The following CFAP299 variants were observed in gnomAD, a reference collection of about 807,000 sequenced individuals.
CFAP299 encodes the protein cilia and flagella associated protein 299, also known as cilia- and flagella-associated protein 299.
Under a neutral mutation model 27.0 loss-of-function variants are expected in CFAP299, and 21 were observed. The observed-to-expected ratio is 0.78, with a 90% CI of 0.55 to 1.12. The LOEUF is 1.12. Ranked by LOEUF, CFAP299 falls within the 50% of genes most tolerant of loss-of-function variation. The pLI, the probability that CFAP299 is intolerant of heterozygous loss-of-function variation, is 0.00. For synonymous variants in CFAP299, 104 were observed against 98.1 expected, an observed-to-expected ratio of 1.06 and a Z score of -0.36; for missense variants, 310 against 276.6, an observed-to-expected ratio of 1.12 and a Z score of -0.86.
At chr4:80,466,758 C>G (rs1329514379) in intron 2 of CFAP299, among the ~76,000 whole-genome samples, 2 of 152,198 alleles carry the variant, frequency 1.3e-5, no homozygotes, top group Non-Finnish European at 2.9e-5. Flanking sequence ...CTGCCCCTGA[C>G]TTCAAGTAAT....
intron 2 of CFAP299, among the ~76,000 whole-genome samples, chr4:80,487,810 G>GAGAT (rs1730903543): frequency 6.6e-6 from 1 of 152,266 alleles, no homozygotes; most frequent in East Asian, 1.9e-4. Context: ...TAACAGAAGG[G>GAGAT]AGATGGCCAG....
Position 80,961,587 on chromosome 4 carries a change from G to C in CFAP299, c.607-1930G>C, listed in dbSNP as rs1415855641. Among the ~76,000 whole-genome samples, 5 of 151,856 alleles carry C rather than the reference G, an allele frequency of 3.3e-5. No individual in the cohort carries two copies. In the East Asian group the frequency reaches 9.6e-4, roughly 29 times the overall value. The stretch of plus-strand genomic sequence containing the variant: ...AACCTAATTCATTACCCTCCAGAGA[G>C]AGGAAAATATTATGCACTCATCCAA... On this transcript the variant is annotated intron_variant, in intron 5 of 5. Coordinates refer to ENST00000358105, the MANE Select transcript of CFAP299 (RefSeq NM_152770.3).
rs559756722 is a variant in CFAP299, at chr4:80,682,568, A to C, written c.333+99385A>C. 6.2e-5 allele frequency among the ~76,000 whole-genome samples: 4 copies of C among 64,632 alleles called. No homozygotes were observed. In the Admixed American group the frequency reaches 8.3e-4, roughly 13 times the overall value. 42.4% of individuals were successfully genotyped at this position (64,632 alleles called of 152,430 possible). On this transcript the variant is annotated intron_variant, in intron 3 of 5. Coordinates refer to ENST00000358105, the MANE Select transcript of CFAP299 (RefSeq NM_152770.3). The stretch of plus-strand genomic sequence containing the variant: ...GCTAAGCAGTGTACATTTTACATGC[A>C]TACCACATTTTTTTTTTTTGTAACA...
chr4:80,453,670 G>A (rs532696704), intron 2 of CFAP299, among the ~76,000 whole-genome samples: 45 of 151,538 alleles, frequency 3.0e-4, no homozygotes, highest in African/African-American at 7.5e-4. Context: ...GTGAAACCCC[G>A]TCTCTACTAA....
chr4:80,327,522 G>A, the CFAP299 span, among the ~76,000 whole-genome samples: 8 of 151,740 alleles, frequency 5.3e-5, no homozygotes, highest in South Asian at 1.7e-3. Flanking sequence ...TGGCTACTGT[G>A]TGGAGTCTGG....
chr4:80,328,862 G>A, the CFAP299 span, among the ~76,000 whole-genome samples: 2 of 152,002 alleles, frequency 1.3e-5, no homozygotes, highest in Non-Finnish European at 2.9e-5. Flanking sequence ...CTAACTCATT[G>A]TTTTCCAGAA....
chr4:80,746,065 A>G (rs1314674200), intron 3 of CFAP299, among the ~76,000 whole-genome samples: 3 of 152,012 alleles, frequency 2.0e-5, no homozygotes, highest in Non-Finnish European at 2.9e-5. Context: ...AGAATTTAGG[A>G]CCTAGGGCTT....
At chr4:80,582,600 T>C (rs1041210644) in intron 2 of CFAP299, among the ~76,000 whole-genome samples, 14 of 152,054 alleles carry the variant, frequency 9.2e-5, no homozygotes, top group African/African-American at 2.9e-4. Context: ...TTCTTGATGC[T>C]TCCTTTCATC....
At chr4:80,690,052 A>C (rs914548316) in intron 3 of CFAP299, among the ~76,000 whole-genome samples, 1 of 149,108 alleles carries the variant, frequency 6.7e-6, no homozygotes, top group Admixed American at 6.6e-5. Flanking sequence ...GCAAGTCCTG[A>C]GTGACCTACA....
intron 4 of CFAP299, among the ~76,000 whole-genome samples, chr4:80,906,220 T>C (rs895432302): frequency 9.9e-5 from 15 of 152,132 alleles, no homozygotes; most frequent in Non-Finnish European, 1.5e-5. Flanking sequence ...AATTTAAAGT[T>C]CCAAAATGAT....
intron 2 of CFAP299, among the ~76,000 whole-genome samples, chr4:80,437,789 G>A (rs186476515): frequency 4.6e-5 from 7 of 152,276 alleles, no homozygotes; most frequent in African/African-American, 1.4e-4. Flanking sequence ...CTGCCAAAGC[G>A]ATTAGTAATA....
rs563329694 is a variant in CFAP299, at chr4:80,902,642, G to C, written c.476+32507G>C. On this transcript the variant is annotated intron_variant, in intron 4 of 5. Coordinates refer to ENST00000358105, the MANE Select transcript of CFAP299 (RefSeq NM_152770.3). ...ACACACACACTTTGGTGACTCCCTA[G>C]TTGGGGCTATAGTATATCATCAACC... Among the ~76,000 whole-genome samples, 108 of 141,118 alleles carry C rather than the reference G, an allele frequency of 7.7e-4. 2 individuals are homozygous for C. The South Asian group carries it at 0.024, about 32-fold the overall frequency. The allele number at this position is 141,118 out of a possible 152,430, so 92.6% of individuals were successfully genotyped here.
chr4:80,791,987 C>T (rs943600043), intron 3 of CFAP299, among the ~76,000 whole-genome samples: 14 of 151,664 alleles, frequency 9.2e-5, no homozygotes, highest in African/African-American at 3.4e-4. Context: ...CAAATGGCTA[C>T]TAAATAAAAT....
intron 4 of CFAP299, among the ~76,000 whole-genome samples, chr4:80,898,230 G>A (rs1005390829): frequency 6.6e-6 from 1 of 152,066 alleles, no homozygotes; most frequent in East Asian, 1.9e-4. Flanking sequence ...AAATGTGGGG[G>A]ATTTTATTAC....
Position 80,557,081 on chromosome 4 carries a change from T to C in CFAP299, c.243-26012T>C, listed in dbSNP as rs994964384. On this transcript the variant is annotated intron_variant, in intron 2 of 5. Coordinates refer to ENST00000358105, the MANE Select transcript of CFAP299 (RefSeq NM_152770.3). ...TTCACAACCTTTTTAAATTTTCTATTAAACCACAGATCAACACTTCAAGAA... is the reference window on the plus strand; with the variant it reads ...TTCACAACCTTTTTAAATTTTCTATCAAACCACAGATCAACACTTCAAGAA... Among the ~76,000 whole-genome samples the C allele has an allele frequency of 1.1e-4, 17 of 152,068 alleles. 1 individual carries two copies. The highest frequency in any genetic ancestry group is 1.5e-5 in the Non-Finnish European group (1 of 67,964).
intron 3 of CFAP299, among the ~76,000 whole-genome samples, chr4:80,613,511 C>G (rs1229479840): frequency 3.9e-5 from 6 of 152,088 alleles, no homozygotes; most frequent in Non-Finnish European, 8.8e-5. Context: ...TGCATAATGT[C>G]AATTAAGACA....
intron 4 of CFAP299, among the ~76,000 whole-genome samples, chr4:80,892,842 G>A (rs930648970): frequency 1.3e-5 from 2 of 151,956 alleles, no homozygotes; most frequent in Admixed American, 6.6e-5. Context: ...CACTCACAGC[G>A]CTTCTACTCA....
chr4:80,489,734 A>G (rs1258316351), intron 2 of CFAP299, among the ~76,000 whole-genome samples: 2 of 152,188 alleles, frequency 1.3e-5, no homozygotes, highest in Non-Finnish European at 2.9e-5. Flanking sequence ...CTGTTGTACC[A>G]TAGCACTTAA....
At chr4:80,365,492 TTAA>T (rs1389858453) in intron 2 of CFAP299, among the ~76,000 whole-genome samples, 3 of 152,208 alleles carry the variant, frequency 2.0e-5, no homozygotes, top group African/African-American at 7.2e-5. Flanking sequence ...CTTAATCCCA[TTAA>T]TGTGAGAAAG....
Sources: allele counts gnomAD v4.1 joint callset (sites outside exome capture counted in the v4.1 genomes callset), GRCh38; gene constraint gnomAD v4.1.1; transcripts MANE v1.5; gene names NCBI Gene and HGNC (gene_info 2026-07-23, HGNC 2026-07-21).